FGF14: variants seen among roughly 807,000 people sequenced by gnomAD.
FGF14 encodes fibroblast growth factor homologous factor 4.
In FGF14, 5 loss-of-function variants were observed where a neutral mutation model predicts 25.5. The observed-to-expected ratio is 0.20, with a 90% CI of 0.10 to 0.41. FGF14 has a LOEUF of 0.41. FGF14 is among the 10% of genes least tolerant of loss of function. The pLI is 1.00. For synonymous variants in FGF14, 138 were observed against 118.3 expected (o/e 1.17, Z -1.08); for missense variants, 222 against 320.1 (o/e 0.69, Z 2.34).
chr13:102,173,035 T>C (rs1157788393), intron 1 of FGF14, among the ~76,000 whole-genome samples: 1 of 152,122 alleles, frequency 6.6e-6, no homozygotes, highest in Admixed American at 6.6e-5. Context: ...GCTTATAAAC[T>C]AACAGAATGA....
intron 1 of FGF14, among the ~76,000 whole-genome samples, chr13:102,324,561 C>T (rs1404510008): frequency 6.6e-6 from 1 of 152,186 alleles, no homozygotes; most frequent in Non-Finnish European, 1.5e-5. Context: ...AGGGTTAGAT[C>T]AGCTCATGCA....
chr13:102,315,077 T>C (rs1453899858), intron 1 of FGF14, among the ~76,000 whole-genome samples: 1 of 151,642 alleles, frequency 6.6e-6, no homozygotes, highest in Non-Finnish European at 1.5e-5. Context: ...TATACAAACA[T>C]ATATGTACAA....
intron 1 of FGF14, among the ~76,000 whole-genome samples, chr13:102,109,436 CTA>C (rs2045104200): frequency 6.6e-6 from 1 of 151,988 alleles, no homozygotes; most frequent in African/African-American, 2.4e-5. Context: ...ACACAAAACA[CTA>C]TGTGAGTTAA....
At chr13:102,138,774 T>C (rs2046513484) in intron 1 of FGF14, among the ~76,000 whole-genome samples, 2 of 152,332 alleles carry the variant, frequency 1.3e-5, no homozygotes, top group South Asian at 2.1e-4. Flanking sequence ...AAATGTGCCA[T>C]TAAGTGAAGC....
At chr13:102,171,774 G>C (rs960059071) in intron 1 of FGF14, among the ~76,000 whole-genome samples, 1 of 151,820 alleles carries the variant, frequency 6.6e-6, no homozygotes, top group African/African-American at 2.4e-5. Context: ...ATTTTTATGA[G>C]AGCTGTTATC....
intron 3 of FGF14, among the ~76,000 whole-genome samples, chr13:101,820,919 C>T (rs2140235780): frequency 6.6e-6 from 1 of 151,154 alleles, no homozygotes; most frequent in South Asian, 2.1e-4. Context: ...GAGGTAACTA[C>T]TATTCTGACT....
At chr13:101,917,021 T>A (rs1279501591), upstream of FGF14, among the ~76,000 whole-genome samples, 7 of 151,556 alleles carry the variant, frequency 4.6e-5, no homozygotes, top group Non-Finnish European at 1.5e-5. Flanking sequence ...CTTCTCGCCC[T>A]GCCCGGCTCC....
At chr13:102,039,753 C>T (rs932500697) in intron 1 of FGF14, among the ~76,000 whole-genome samples, 3 of 152,102 alleles carry the variant, frequency 2.0e-5, no homozygotes, top group Non-Finnish European at 2.9e-5. Flanking sequence ...TTCAATATCT[C>T]TCTTTAGGGG....
intron 1 of FGF14, among the ~76,000 whole-genome samples, chr13:102,203,036 G>T (rs937256579): frequency 3.9e-5 from 6 of 152,120 alleles, no homozygotes; most frequent in Non-Finnish European, 7.3e-5. Context: ...GCAGAGACAG[G>T]CATGGAAGAC....
chr13:101,818,034 A>G (rs2041928405), intron 3 of FGF14, among the ~76,000 whole-genome samples: 1 of 152,206 alleles, frequency 6.6e-6, no homozygotes, highest in South Asian at 2.1e-4. Flanking sequence ...TGCTTACTAT[A>G]CATCTGAAAC....
At chr13:102,290,907 G>A (rs924684097) in intron 1 of FGF14, among the ~76,000 whole-genome samples, 1 of 152,154 alleles carries the variant, frequency 6.6e-6, no homozygotes. Context: ...CTCTGTCTTT[G>A]TGAGACCTAC....
At chr13:101,946,486 A>T (rs755046122) in intron 1 of FGF14, among the ~76,000 whole-genome samples, 4 of 152,194 alleles carry the variant, frequency 2.6e-5, no homozygotes, top group Non-Finnish European at 5.9e-5. Flanking sequence ...ATTATTTAAC[A>T]TGTAGTAACT....
intron 1 of FGF14, among the ~76,000 whole-genome samples, chr13:102,377,853 T>C (rs554584039): frequency 1.3e-5 from 2 of 152,280 alleles, no homozygotes; most frequent in South Asian, 2.1e-4. Flanking sequence ...GACAATTTTC[T>C]TTACAATTCA....
intron 1 of FGF14, among the ~76,000 whole-genome samples, chr13:102,249,364 A>C (rs1302065956): frequency 6.6e-6 from 1 of 152,208 alleles, no homozygotes; most frequent in African/African-American, 2.4e-5. Context: ...AAGTGCTAAA[A>C]AAACAAACAA....
chr13:102,220,393 T>C (rs968695093), intron 1 of FGF14, among the ~76,000 whole-genome samples: 2 of 152,226 alleles, frequency 1.3e-5, no homozygotes, highest in Non-Finnish European at 2.9e-5. Flanking sequence ...AAACTCTAGA[T>C]CTACACATAA....
At chr13:101,900,002 G>A (rs1192326381) in intron 1 of FGF14, among the ~76,000 whole-genome samples, 1 of 151,996 alleles carries the variant, frequency 6.6e-6, no homozygotes, top group African/African-American at 2.4e-5. Flanking sequence ...TCTGATTATG[G>A]TAGATTTAGT....
chr13:102,098,747 G>C (rs187996245), intron 1 of FGF14, among the ~76,000 whole-genome samples: 1 of 152,134 alleles, frequency 6.6e-6, no homozygotes. Context: ...GACCTATCAG[G>C]GGACATTGAC....
intron 1 of FGF14, among the ~76,000 whole-genome samples, chr13:102,155,149 T>C (rs963758350): frequency 2.6e-5 from 4 of 152,224 alleles, no homozygotes; most frequent in Admixed American, 1.3e-4. Flanking sequence ...AACTCAGCTC[T>C]GCACCAAGCA....
At chr13:102,309,258 C>A (rs1425379261) in intron 1 of FGF14, among the ~76,000 whole-genome samples, 1 of 152,060 alleles carries the variant, frequency 6.6e-6, no homozygotes, top group Non-Finnish European at 1.5e-5. Context: ...GCTTGCTGCA[C>A]TGCACCAAAC....
Sources: gnomAD v4.1 joint callset for allele counts (sites outside exome capture counted in the v4.1 genomes callset) on GRCh38, gnomAD v4.1.1 for gene constraint, MANE v1.5 for transcripts, NCBI Gene and HGNC (gene_info 2026-07-23, HGNC 2026-07-21) for gene names.